STPG2: variants seen among roughly 807,000 people sequenced by gnomAD.
STPG2 encodes sperm tail PG-rich repeat containing 2, also known as sperm-tail PG-rich repeat-containing protein 2.
Under a neutral mutation model 54.2 loss-of-function variants are expected in STPG2, and 56 were observed. The observed-to-expected ratio is 1.03, with a 90% CI of 0.83 to 1.29. The LOEUF (loss-of-function observed/expected upper bound fraction) is 1.29, where lower values mean the gene tolerates loss of function less well. STPG2 is among the 50% of genes most tolerant of loss of function. STPG2 has a pLI of 0.00. For missense variants in STPG2, 596 were observed against 544.9 expected (o/e 1.09, Z -0.93); for synonymous variants, 200 against 181.8 (o/e 1.10, Z -0.81).
chr4:97,703,628 TTA>T (rs1259657439), intron 10 of STPG2, among the ~76,000 whole-genome samples: 9 of 139,380 alleles, frequency 6.5e-5, no homozygotes, highest in East Asian at 4.2e-4. Context: ...ACTATATATA[TTA>T]TATATATAAA....
chr4:97,453,875 T>C (rs1729442779), intron 4 of STPG2, among the ~76,000 whole-genome samples: 1 of 152,032 alleles, frequency 6.6e-6, no homozygotes, highest in Non-Finnish European at 1.5e-5. Context: ...AAGGAGACAC[T>C]AGGATGTCTG....
intron 7 of STPG2, among the ~76,000 whole-genome samples, chr4:97,946,499 G>T (rs1029991744): frequency 6.6e-6 from 1 of 152,132 alleles, no homozygotes; most frequent in East Asian, 1.9e-4. Flanking sequence ...TTTTTCTTAC[G>T]TTATCTTCTA....
chr4:97,480,412 T>C (rs1182471039), intron 4 of STPG2, among the ~76,000 whole-genome samples: 3 of 151,650 alleles, frequency 2.0e-5, no homozygotes, highest in Non-Finnish European at 4.4e-5. Context: ...CCAATTCTAC[T>C]GAAACTCTTC....
At chr4:97,782,552 T>C (rs1726679032) in intron 9 of STPG2, among the ~76,000 whole-genome samples, 1 of 152,216 alleles carries the variant, frequency 6.6e-6, no homozygotes, top group East Asian at 1.9e-4. Context: ...TACCAATGAC[T>C]TTCTTCACAG....
At position 97,981,469 on chromosome 4, in the gene STPG2, C is replaced by G. The variant is rs545787598; in HGVS notation, c.613-151G>C. Reference sequence around the variant, plus strand: ...AATGTAGATGAACTAAGATCTTGTACCCATCAAAACATAAAATATATAGCT... The same window carrying G: ...AATGTAGATGAACTAAGATCTTGTAGCCATCAAAACATAAAATATATAGCT... On this transcript the variant is annotated intron_variant, in intron 5 of 10. Transcript: ENST00000295268. 23 of 761,370 alleles carry G rather than the reference C, an allele frequency of 3.0e-5. No homozygotes were observed. The South Asian group carries it at 4.6e-4, about 15-fold the overall frequency. The allele number at this position is 761,370 out of a possible 1,614,324, so 47.2% of individuals were successfully genotyped here.
chr4:97,444,023 A>G (rs1036924863), intron 4 of STPG2, among the ~76,000 whole-genome samples: 9 of 152,286 alleles, frequency 5.9e-5, no homozygotes, highest in African/African-American at 2.2e-4. Context: ...AAATGTTAAC[A>G]TTTAAATTAA....
intron 5 of STPG2, among the ~76,000 whole-genome samples, chr4:98,100,399 C>G (rs529770979): frequency 6.0e-4 from 91 of 152,140 alleles, no homozygotes; most frequent in Middle Eastern, 6.8e-3. Context: ...TAAGTTCAGA[C>G]AAAAACACCA....
intron 8 of STPG2, among the ~76,000 whole-genome samples, chr4:97,849,992 TTCACGA>T (rs2149129747): frequency 6.6e-6 from 1 of 151,990 alleles, no homozygotes; most frequent in Non-Finnish European, 1.5e-5. Flanking sequence ...TGCGGCATTA[TTCACGA>T]TAGCAAAGAC....
intron 10 of STPG2, among the ~76,000 whole-genome samples, chr4:97,562,591 C>G (rs1732286227): frequency 6.6e-6 from 1 of 152,114 alleles, no homozygotes; most frequent in South Asian, 2.1e-4. Flanking sequence ...TCATAGATAG[C>G]TGTTATTATT....
chr4:97,948,264 T>C (rs1396592296), intron 7 of STPG2, among the ~76,000 whole-genome samples: 1 of 152,090 alleles, frequency 6.6e-6, no homozygotes, highest in Non-Finnish European at 1.5e-5. Flanking sequence ...TAGGTTGTAA[T>C]GTCTCCAATT....
intron 9 of STPG2, among the ~76,000 whole-genome samples, chr4:97,797,122 G>A (rs368428009): frequency 2.5e-4 from 38 of 152,164 alleles, no homozygotes; most frequent in African/African-American, 8.2e-4. Flanking sequence ...ATACAATCAC[G>A]TCATCTGCAA....
intron 4 of STPG2, among the ~76,000 whole-genome samples, chr4:97,507,477 A>C (rs1336658870): frequency 6.6e-6 from 1 of 152,092 alleles, no homozygotes; most frequent in Non-Finnish European, 1.5e-5. Flanking sequence ...GTTGTTTTAC[A>C]ATCCAATTTC....
At chr4:97,622,719 C>T in intron 10 of STPG2, among the ~76,000 whole-genome samples, 1 of 152,016 alleles carries the variant, frequency 6.6e-6, no homozygotes, top group Non-Finnish European at 1.5e-5. Context: ...AATGCTATTC[C>T]TACCAAACTA....
At chr4:97,943,240 A>T (rs1469222458) in intron 8 of STPG2, among the ~76,000 whole-genome samples, 2 of 152,114 alleles carry the variant, frequency 1.3e-5, no homozygotes, top group Non-Finnish European at 2.9e-5. Flanking sequence ...TAATACCATC[A>T]CCTTGGGAGT....
At chr4:97,650,763 A>G (rs1358035940) in intron 10 of STPG2, among the ~76,000 whole-genome samples, 1 of 152,154 alleles carries the variant, frequency 6.6e-6, no homozygotes, top group East Asian at 1.9e-4. Context: ...CTATGTTAAT[A>G]GAGATTCTTT....
intron 5 of STPG2, among the ~76,000 whole-genome samples, chr4:98,052,949 G>A (rs1737368828): frequency 6.6e-6 from 1 of 152,112 alleles, no homozygotes; most frequent in African/African-American, 2.4e-5. Flanking sequence ...TAACCTCACT[G>A]AGGAAGGGAA....
intron 8 of STPG2, among the ~76,000 whole-genome samples, chr4:97,906,912 A>T (rs1731450334): frequency 6.6e-6 from 1 of 152,024 alleles, no homozygotes. Flanking sequence ...CCAATCTCAT[A>T]CTGAATGGGC....
chr4:97,968,189 C>A (rs558555870), intron 7 of STPG2, among the ~76,000 whole-genome samples: 11 of 152,114 alleles, frequency 7.2e-5, no homozygotes, highest in Admixed American at 6.6e-4. Context: ...TCACCACCAA[C>A]CCCACAGAAA....
intron 4 of STPG2, among the ~76,000 whole-genome samples, chr4:97,534,381 T>A (rs866594698): frequency 1.3e-5 from 2 of 152,094 alleles, no homozygotes; most frequent in African/African-American, 4.8e-5. Flanking sequence ...TTCTCCTATG[T>A]CTTCTAGAAG....
Sources: gnomAD v4.1 joint callset for allele counts (sites outside exome capture counted in the v4.1 genomes callset) on GRCh38, gnomAD v4.1.1 for gene constraint, MANE v1.5 for transcripts, NCBI Gene and HGNC (gene_info 2026-07-23, HGNC 2026-07-21) for gene names.